CACNA1I: variants seen among roughly 807,000 people sequenced by gnomAD.
The protein encoded by CACNA1I is voltage-dependent T-type calcium channel subunit alpha-1I.
A neutral mutation model predicts 201.6 loss-of-function variants in CACNA1I; 74 were observed. That is an observed-to-expected ratio of 0.37 (90% CI 0.30 to 0.45). The LOEUF is 0.45. Ranked by LOEUF, CACNA1I falls within the 20% of genes least tolerant of loss-of-function variation. The pLI is 1.00. For missense variants in CACNA1I, 2,346 were observed against 3,138.1 expected (o/e 0.75, Z 6.03); for synonymous variants, 1,431 against 1,345.2 (o/e 1.06, Z -1.40).
rs1365202655 is a variant in CACNA1I, at chr22:39,659,338, G to T, written c.2331-95G>T. On this transcript the variant is annotated intron_variant, in intron 12 of 36. Transcript: ENST00000402142. This position sits in a 1 kb window ranked among gnomAD's most constrained non-coding sequence, Gnocchi z 4.3. ...GACCAACGCTGCCCCGCCTCCCCCT[G>T]CCCTGCATTTTACTGAGTTGACTGA... The T allele has an allele frequency of 1.4e-5, 14 of 1,005,368 alleles. No homozygotes were observed. The highest frequency in any genetic ancestry group is 1.8e-5 in the Non-Finnish European group (12 of 658,868). The allele number at this position is 1,005,368 out of a possible 1,614,324, so 62.3% of individuals were successfully genotyped here. A position where few individuals can be genotyped will look rare whatever the true frequency, so the allele number is the denominator to read the frequency against.
chr22:39,655,364 C>T (rs1934785564), intron 10 of CACNA1I, among the ~76,000 whole-genome samples: 1 of 152,196 alleles, frequency 6.6e-6, no homozygotes, highest in Admixed American at 6.5e-5. Flanking sequence ...CAGGGACTTG[C>T]AGGCTCCCAC....
chr22:39,588,794 A>G (rs528135872), intron 1 of CACNA1I, among the ~76,000 whole-genome samples: 7 of 152,132 alleles, frequency 4.6e-5, no homozygotes, highest in Non-Finnish European at 7.4e-5. Flanking sequence ...GTACTCCCCA[A>G]CGTTACTGCT....
intron 1 of CACNA1I, among the ~76,000 whole-genome samples, chr22:39,585,716 AAAC>A: frequency 7.3e-6 from 1 of 137,834 alleles, no homozygotes; most frequent in African/African-American, 2.6e-5. Flanking sequence ...AAAAAAAAAA[AAAC>A]TTTTAAAGTT....
Position 39,665,749 on chromosome 22 carries a change from C to T in CACNA1I, c.3978+125C>T. 1.3e-6 allele frequency: 2 copies of T among 1,539,830 alleles called. No individual in the cohort carries two copies. Among genetic ancestry groups the T allele is most frequent in the South Asian group, 2.4e-5 (2 of 84,348 alleles). ...CCTTGCCAGCTGTGGGCTTCTCCTC[C>T]AGGGAGGGAGACAGACATGGGCCCA... On this transcript the variant is annotated intron_variant, in intron 22 of 36. Transcript: ENST00000402142. This position sits in a 1 kb window ranked among gnomAD's most constrained non-coding sequence, Gnocchi z 5.5.
chr22:39,686,160 C>A lies in CACNA1I; in HGVS notation c.6427C>A (p.Pro2143Thr). 1.6e-6 allele frequency: 2 copies of A among 1,281,568 alleles called. No individual in the cohort carries two copies. Among genetic ancestry groups the A allele is most frequent in the Non-Finnish European group, 2.0e-6 (2 of 1,015,108 alleles). 79.4% of individuals were successfully genotyped at this position (1,281,568 alleles called of 1,614,324 possible). ...CCTCTTCTGCCCGCCGCCCCCGCCG[C>A]CAGCCCCCGGCCTCACGCCCGCCAG... ...TSLFCPPPPPPAPGLTPARKF... is the reference protein window; with the variant it reads ...TSLFCPPPPPTAPGLTPARKF... Residue 2143 changes from proline (P) to threonine (T), a missense_variant, in exon 37 of 37, where the codon CCA becomes ACA. By Grantham distance (38) the Pro-to-Thr change is conservative. This residue lies in a region of CACNA1I where 187 missense variants were observed against 151.0 expected (regional missense o/e 1.24). Transcript: ENST00000402142.
At chr22:39,596,774 G>C (rs1215472406) in intron 1 of CACNA1I, among the ~76,000 whole-genome samples, 1 of 152,004 alleles carries the variant, frequency 6.6e-6, no homozygotes, top group Non-Finnish European at 1.5e-5. Context: ...ATCCGGTGGA[G>C]GACCTCTAGG....
rs1335513937 is a variant in CACNA1I, at chr22:39,629,192, C to T, written c.581-5373C>T. Among the ~76,000 whole-genome samples, 1 of 152,174 alleles carries T rather than the reference C, an allele frequency of 6.6e-6. No homozygotes were observed. The highest frequency in any genetic ancestry group is 1.5e-5 in the Non-Finnish European group (1 of 68,032). On this transcript the variant is annotated intron_variant, in intron 4 of 36. Coordinates refer to ENST00000402142, the MANE Select transcript of CACNA1I (RefSeq NM_021096.4). This position sits in a 1 kb window ranked among gnomAD's most constrained non-coding sequence, Gnocchi z 4.8. The stretch of plus-strand genomic sequence containing the variant: ...GCTTTCAGTGCTGTCTAGAGACCGT[C>T]CTCACCCTGGTGCTCCACATGACGC...
Position 39,664,780 on chromosome 22 carries a change from A to G in CACNA1I, c.3708A>G (p.Leu1236=). Residue 1236 remains leucine, a synonymous_variant, in exon 21 of 37, where the codon CTA becomes CTG. Transcript: ENST00000402142. ...LGLYFGEQAY[L]RSSWNVLDGF... ...TGTACTTCGGCGAGCAGGCGTACCT[A>G]CGCAGCAGCTGGAACGTGCTGGATG... The G allele has an allele frequency of 1.2e-6, 2 of 1,606,964 alleles. No individual in the cohort carries two copies. The highest frequency in any genetic ancestry group is 4.5e-5 in the East Asian group (2 of 44,566).
In CACNA1I at chr22:39,670,228, G is replaced by A. The variant is rs199781624; in HGVS notation, c.4385G>A (p.Arg1462Gln). Residue 1462 changes from arginine to glutamine, a missense_variant and splice_region_variant, in exon 25 of 37, where the codon CGG becomes CAG. Coordinates refer to ENST00000402142, the MANE Select transcript of CACNA1I (RefSeq NM_021096.4). ...KRLRRLEKKRRKAQRLPYYAT... is the reference protein window; with the variant it reads ...KRLRRLEKKRQKAQRLPYYAT... ...CTGCGGCGCCTGGAGAAGAAGCGCC[G>A]GAGTGAGTGGGTGCCTGTGGAGGGC... 38 of 1,611,160 alleles carry A rather than the reference G, an allele frequency of 2.4e-5. No homozygotes were observed. Among genetic ancestry groups the A allele is most frequent in the East Asian group, 1.6e-4 (7 of 44,902 alleles).
At chr22:39,572,670 T>C (rs1932224451) in intron 1 of CACNA1I, among the ~76,000 whole-genome samples, 2 of 151,996 alleles carry the variant, frequency 1.3e-5, no homozygotes, top group Non-Finnish European at 2.9e-5. Flanking sequence ...CTCACTGACA[T>C]CTGCCCTGGG....
chr22:39,677,311 C>G lies in CACNA1I; in HGVS notation c.4855-30C>G, dbSNP rs1344380786. 5 of 1,523,280 alleles carry G rather than the reference C, an allele frequency of 3.3e-6. No individual in the cohort carries two copies. Among genetic ancestry groups the G allele is most frequent in the Middle Eastern group, 1.8e-4 (1 of 5,496 alleles). The allele number at this position is 1,523,280 out of a possible 1,614,324, so 94.4% of individuals were successfully genotyped here. On this transcript the variant is annotated intron_variant, in intron 29 of 36. Transcript: ENST00000402142. This position sits in a 1 kb window ranked among gnomAD's most constrained non-coding sequence, Gnocchi z 4.8. The stretch of plus-strand genomic sequence containing the variant: ...TGGTGCGCCCCCACCCGCTCCCCAG[C>G]CCCACCCGGCCTCACCTGTCCTCCC...
At chr22:39,626,645 G>A (rs1933908219) in intron 4 of CACNA1I, among the ~76,000 whole-genome samples, 1 of 152,066 alleles carries the variant, frequency 6.6e-6, no homozygotes, top group African/African-American at 2.4e-5. Flanking sequence ...TTGCCAGGCT[G>A]GAGTGCAGTG....
In CACNA1I at chr22:39,686,375, G is replaced by C. The variant is rs771193047; in HGVS notation, c.6642G>C (p.Pro2214=). 541 of 1,299,682 alleles carry C rather than the reference G, an allele frequency of 4.2e-4. 1 individual carries two copies. Among genetic ancestry groups the C allele is most frequent in the Non-Finnish European group, 5.0e-4 (509 of 1,021,528 alleles). The allele number at this position is 1,299,682 out of a possible 1,614,324, so 80.5% of individuals were successfully genotyped here. Residue 2214 remains proline (P), a synonymous_variant, in exon 37 of 37, where the codon CCG becomes CCC. Coordinates refer to ENST00000402142, the MANE Select transcript of CACNA1I (RefSeq NM_021096.4). ...PPQPLPGELE[P]GDAASKRKR is the part of the protein sequence containing the mutation. ...AACCGCTCCCCGGAGAGCTGGAGCC[G>C]GGAGACGCCGCCAGCAAGAGGAAGA...
chr22:39,667,279 C>T (rs1569091879), intron 23 of CACNA1I, among the ~76,000 whole-genome samples: 1 of 152,226 alleles, frequency 6.6e-6, no homozygotes, highest in Admixed American at 6.5e-5. Flanking sequence ...ATACCTTTGG[C>T]ACCATTCCCA....
intron 4 of CACNA1I, 104 bp from the exon 5 acceptor site, chr22:39,634,460 AT>A: frequency 9.2e-7 from 1 of 1,081,608 alleles, no homozygotes; most frequent in Non-Finnish European, 1.4e-6. Flanking sequence ...GCCCCTGATA[AT>A]GCATCCCCCT....
At position 39,685,929 on chromosome 22, in the gene CACNA1I, C is replaced by T; in HGVS notation, c.6196C>T (p.Arg2066Cys). 1.5e-6 allele frequency: 2 copies of T among 1,299,016 alleles called. No homozygotes were observed. Among genetic ancestry groups the T allele is most frequent in the Non-Finnish European group, 9.7e-7 (1 of 1,033,746 alleles). 80.5% of individuals were successfully genotyped at this position (1,299,016 alleles called of 1,614,324 possible). A position where few individuals can be genotyped will look rare whatever the true frequency, so the allele number is the denominator to read the frequency against. ...RAGLSPAARR[R>C]LSLRGRGLFS... ...CGGCCTGTCCCCCGCCGCTCGCCGC[C>T]GCCTGAGCCTGCGCGGCCGGGGCCT... The change falls in exon 37 of 37, where the codon CGC (arginine) becomes TGC (cysteine). Residue 2066 changes from arginine (R) to cysteine (C), a missense_variant. Arg to Cys is a radical substitution (Grantham distance 180). Coordinates refer to ENST00000402142, the MANE Select transcript of CACNA1I (RefSeq NM_021096.4). This position sits in a 1 kb window ranked among gnomAD's most constrained non-coding sequence, Gnocchi z 5.0.
In CACNA1I at chr22:39,685,384, C is replaced by T. The variant is rs1009022193; in HGVS notation, c.6028-377C>T. Among the ~76,000 whole-genome samples the T allele has an allele frequency of 5.4e-5, 7 of 129,536 alleles. No homozygotes were observed. The highest frequency in any genetic ancestry group is 1.5e-4 in the African/African-American group (5 of 33,108). 85.0% of individuals were successfully genotyped at this position (129,536 alleles called of 152,430 possible). The stretch of plus-strand genomic sequence containing the variant: ...AGGGGCCGGAGCAAGTGGGAGGGAC[C>T]GGAACCAGTGGGAGCAGCCAAGGCT... On this transcript the variant is annotated intron_variant, in intron 36 of 36. Transcript: ENST00000402142. This position sits in a 1 kb window ranked among gnomAD's most constrained non-coding sequence, Gnocchi z 5.0.
intron 11 of CACNA1I, 122 bp from the exon 12 acceptor site, chr22:39,658,809 A>AGATG (rs1934904595): frequency 1.2e-6 from 1 of 848,822 alleles, no homozygotes; most frequent in African/African-American, 1.7e-5. Flanking sequence ...CATATTTGTC[A>AGATG]GATGGATGGA....
In CACNA1I at chr22:39,649,397, G is replaced by A; in HGVS notation, c.1568-104G>A. 1 of 1,240,030 alleles carries A rather than the reference G, an allele frequency of 8.1e-7. No individual in the cohort carries two copies. The allele number at this position is 1,240,030 out of a possible 1,614,324, so 76.8% of individuals were successfully genotyped here. On this transcript the variant is annotated intron_variant, in intron 9 of 36. Coordinates refer to ENST00000402142, the MANE Select transcript of CACNA1I (RefSeq NM_021096.4). The surrounding 1 kb of genome is among the most constrained non-coding windows in gnomAD (Gnocchi z 7.3). Reference sequence around the variant, plus strand: ...TCCAGGCTGGGTCGGCTGGTTCCAGGCAGACCTGTGGGCCTGGGAGCCAAG... The same window carrying A: ...TCCAGGCTGGGTCGGCTGGTTCCAGACAGACCTGTGGGCCTGGGAGCCAAG...
Sources: gnomAD v4.1 joint callset for allele counts (sites outside exome capture counted in the v4.1 genomes callset) on GRCh38, gnomAD v4.1.1 for gene constraint, gnomAD v4.1.1 regional missense constraint, Gnocchi (gnomAD v3.1) non-coding constraint, MANE v1.5 for transcripts, NCBI Gene and HGNC (gene_info 2026-07-23, HGNC 2026-07-21) for gene names.